The following NOC3L variants were observed in gnomAD, a reference collection of about 807,000 sequenced individuals.
NOC3L encodes nucleolar complex protein 3 homolog.
Under a neutral mutation model 102.5 loss-of-function variants are expected in NOC3L, and 85 were observed. The observed-to-expected ratio is 0.83, with a 90% CI of 0.70 to 0.99. NOC3L has a LOEUF of 0.99. NOC3L is among the 50% of genes least tolerant of loss of function. The pLI is 0.00. For synonymous variants in NOC3L, 303 were observed against 309.4 expected, an observed-to-expected ratio of 0.98 and a Z score of 0.22; for missense variants, 878 against 914.9, an observed-to-expected ratio of 0.96 and a Z score of 0.52.
chr10:94,322,136 C>T, the NOC3L span: 2 of 1,353,162 alleles, frequency 1.5e-6, no homozygotes, highest in Non-Finnish European at 1.1e-6. Context: ...GCACTGATGG[C>T]TCATTTTATG....
rs1564918245 is a variant in NOC3L at position 94,357,340 on chromosome 10, G to T, written c.351-9C>A. On this transcript the variant is annotated splice_polypyrimidine_tract_variant and intron_variant, in intron 3 of 20. Transcript: ENST00000371361. ...TCGCATGAACAGGCTCACTGCAGGG[G>T]AAAAAAAGATCAATTTTCAGTCTTA... is the stretch of plus-strand genomic sequence containing the variant. 13 of 1,547,592 alleles carry T rather than the reference G, an allele frequency of 8.4e-6. No individual in the cohort carries two copies. The highest frequency in any genetic ancestry group is 1.1e-5 in the Non-Finnish European group (13 of 1,150,396).
chr10:94,362,795 T>G (rs752932699), intron 1 of NOC3L, 35 bp downstream of exon 1: 26 of 1,613,576 alleles, frequency 1.6e-5, no homozygotes, highest in Non-Finnish European at 2.1e-5. Context: ...GAAGGGGCCC[T>G]AGGCCGCGGC....
chr10:94,318,803 G>A, the NOC3L span, among the ~76,000 whole-genome samples: 2 of 152,222 alleles, frequency 1.3e-5, no homozygotes, highest in Admixed American at 1.3e-4. Flanking sequence ...GCTCACACCT[G>A]TAATCCCAGC....
chr10:94,328,251 A>G (rs2054104717), downstream of NOC3L: 2 of 231,838 alleles, frequency 8.6e-6, no homozygotes, highest in South Asian at 1.3e-4. Flanking sequence ...AGGGCCAAAC[A>G]GTAAATATTT....
downstream of NOC3L, chr10:94,329,831 C>CA (rs1486655568): frequency 7.8e-6 from 1 of 128,322 alleles, no homozygotes; most frequent in African/African-American, 2.9e-5. Context: ...GCTTTCATGT[C>CA]ATTGAAAGTT....
At position 94,339,732 on chromosome 10, in the gene NOC3L, T is replaced by A. The variant is rs1246312674; in HGVS notation, c.1962+7A>T. 2 of 1,610,308 alleles carry A rather than the reference T, an allele frequency of 1.2e-6. No homozygotes were observed. Among genetic ancestry groups the A allele is most frequent in the Non-Finnish European group, 1.7e-6 (2 of 1,177,592 alleles). On this transcript the variant is annotated splice_region_variant and intron_variant, in intron 17 of 20. Coordinates refer to ENST00000371361, the MANE Select transcript of NOC3L (RefSeq NM_022451.11). ...ACTTAGCTCTGTTCATTTGTATCAC[T>A]ACTTACATGCATTAATATTCTGGTA...
chr10:94,341,194 T>A (rs904872676), intron 14 of NOC3L, among the ~76,000 whole-genome samples: 2 of 151,474 alleles, frequency 1.3e-5, no homozygotes, highest in African/African-American at 2.4e-5. Context: ...AAAAGACCTA[T>A]AAAGGTTATC....
At chr10:94,358,023 C>G in intron 3 of NOC3L, 60 bp downstream of exon 3, 2 of 1,128,404 alleles carry the variant, frequency 1.8e-6, no homozygotes, top group South Asian at 2.5e-5. Flanking sequence ...AAGTGAAATT[C>G]AGAACCAAGT....
At chr10:94,352,791 T>C in intron 7 of NOC3L, 105 bp downstream of exon 7, 5 of 953,502 alleles carry the variant, frequency 5.2e-6, no homozygotes, top group East Asian at 2.6e-5. Flanking sequence ...CACTGCACTC[T>C]AGTCTGGGCG....
intron 13 of NOC3L, among the ~76,000 whole-genome samples, chr10:94,342,851 G>A (rs754055076): frequency 6.6e-6 from 1 of 151,896 alleles, no homozygotes; most frequent in Admixed American, 6.6e-5. Context: ...TTGGGAGGCC[G>A]AGGCGGATGG....
At chr10:94,329,446 T>C (rs1180061325), downstream of NOC3L, 1 of 152,104 alleles carries the variant, frequency 6.6e-6, no homozygotes, top group African/African-American at 2.4e-5. Flanking sequence ...AATAAAACCA[T>C]CCCCATGTGT....
At chr10:94,321,658 T>C in the NOC3L span, among the ~76,000 whole-genome samples, 10 of 146,538 alleles carry the variant, frequency 6.8e-5, no homozygotes, top group South Asian at 8.5e-4. Flanking sequence ...CCACAGCTAA[T>C]AGGAGCAGAT....
At chr10:94,327,447 T>C in the NOC3L span, among the ~76,000 whole-genome samples, 1 of 150,750 alleles carries the variant, frequency 6.6e-6, no homozygotes, top group Non-Finnish European at 1.5e-5. Flanking sequence ...AATATAAAAA[T>C]TCCTGTAGTC....
intron 8 of NOC3L, among the ~76,000 whole-genome samples, chr10:94,351,196 C>A (rs1420400092): frequency 6.6e-6 from 1 of 152,142 alleles, no homozygotes; most frequent in Non-Finnish European, 1.5e-5. Flanking sequence ...AGGGTGCCAG[C>A]TGGAACACCA....
intron 8 of NOC3L, among the ~76,000 whole-genome samples, chr10:94,350,492 C>T (rs2054401688): frequency 6.6e-6 from 1 of 151,708 alleles, no homozygotes; most frequent in African/African-American, 2.4e-5. Flanking sequence ...GGGCAGATCA[C>T]GAGCTCAGGA....
chr10:94,358,624 T>C (rs2054515640), intron 2 of NOC3L, among the ~76,000 whole-genome samples: 1 of 152,204 alleles, frequency 6.6e-6, no homozygotes, highest in Non-Finnish European at 1.5e-5. Context: ...TCATCTCCAA[T>C]TACTTTCACT....
chr10:94,341,245 A>ATAGTT (rs147083197), intron 14 of NOC3L, among the ~76,000 whole-genome samples: 18,429 of 151,902 alleles, frequency 0.12, 1,503 homozygotes, highest in Non-Finnish European at 0.17. Flanking sequence ...CAGGGTGACT[A>ATAGTT]TAGTTTACAA....
At chr10:94,331,582 C>T (rs1382575594), downstream of NOC3L, 1 of 152,194 alleles carries the variant, frequency 6.6e-6, no homozygotes, top group Admixed American at 6.5e-5. Flanking sequence ...TGGTGAAAGT[C>T]TCTGACCCCT....
In NOC3L at chr10:94,334,151, G is replaced by C; in HGVS notation, c.*26C>G. ...TACATCTGCACACACAAATATACAA[G>C]AAAGTCCACTGACTTCATTCCTCTA... is the stretch of plus-strand genomic sequence containing the variant. On this transcript the variant is annotated 3_prime_UTR_variant, in exon 21 of 21. Transcript: ENST00000371361. The C allele has an allele frequency of 9.7e-7, 1 of 1,035,314 alleles. No homozygotes were observed. Among genetic ancestry groups the C allele is most frequent in the Non-Finnish European group, 1.5e-6 (1 of 666,706 alleles). 64.1% of individuals were successfully genotyped at this position (1,035,314 alleles called of 1,614,324 possible).
Sources: allele counts gnomAD v4.1 joint callset (sites outside exome capture counted in the v4.1 genomes callset), GRCh38; gene constraint gnomAD v4.1.1; transcripts MANE v1.5; gene names NCBI Gene and HGNC (gene_info 2026-07-23, HGNC 2026-07-21).